The following TBC1D2 variants were observed in gnomAD, a reference collection of about 807,000 sequenced individuals.
TBC1D2 encodes TBC1 domain family member 2.
Under a neutral mutation model 91.1 loss-of-function variants are expected in TBC1D2, and 58 were observed. That is an observed-to-expected ratio of 0.64 (90% CI 0.52 to 0.79). TBC1D2 has a LOEUF of 0.79. Ranked by LOEUF, TBC1D2 falls within the 30% of genes least tolerant of loss-of-function variation. TBC1D2 has a pLI of 0.00. For synonymous variants in TBC1D2, 482 were observed against 511.5 expected (o/e 0.94, Z 0.78); for missense variants, 1,080 against 1,208.3 (o/e 0.89, Z 1.57).
At chr9:98,247,772 G>T (rs1008333138) in intron 2 of TBC1D2, among the ~76,000 whole-genome samples, 6 of 149,116 alleles carry the variant, frequency 4.0e-5, no homozygotes, top group African/African-American at 1.5e-4. Context: ...CCATATTGTG[G>T]ACTCACATCT....
chr9:98,216,844 A>G (rs1011072885), intron 6 of TBC1D2, among the ~76,000 whole-genome samples: 1 of 152,186 alleles, frequency 6.6e-6, no homozygotes, highest in Non-Finnish European at 1.5e-5. Flanking sequence ...AGTTGGGACT[A>G]CAAGTGTGTG....
intron 3 of TBC1D2, among the ~76,000 whole-genome samples, chr9:98,239,951 G>C (rs914269344): frequency 6.6e-6 from 1 of 152,102 alleles, no homozygotes; most frequent in East Asian, 1.9e-4. Flanking sequence ...TATCAAATTT[G>C]TTGGCACATA....
At chr9:98,216,380 C>T (rs7040214) in intron 6 of TBC1D2, among the ~76,000 whole-genome samples, 10,830 of 152,216 alleles carry the variant, frequency 0.071, 450 homozygotes, top group African/African-American at 0.1. Context: ...CAAGCCCCCC[C>T]GCAAGGGAGG....
intron 5 of TBC1D2, among the ~76,000 whole-genome samples, chr9:98,226,114 G>T (rs1829227512): frequency 6.6e-6 from 1 of 152,214 alleles, no homozygotes; most frequent in African/African-American, 2.4e-5. Context: ...GCACCACTGG[G>T]CACCCAGAAG....
At chr9:98,224,438 T>C (rs1353725492) in intron 5 of TBC1D2, among the ~76,000 whole-genome samples, 2 of 151,918 alleles carry the variant, frequency 1.3e-5, no homozygotes, top group South Asian at 2.1e-4. Flanking sequence ...ATGCACCACA[T>C]TGCCCAGCTA....
rs1418972080 is a variant in TBC1D2, at chr9:98,249,003, G to T, written c.511+2782C>A. Among the ~76,000 whole-genome samples, 6 of 152,180 alleles carry T rather than the reference G, an allele frequency of 3.9e-5. No individual in the cohort carries two copies. The South Asian group carries it at 1.0e-3, about 26-fold the overall frequency. Reference sequence around the variant, plus strand: ...AGTCTCTGACTCAAAGTCAGACATGGGTCAGGAGGTTTTCAACGACATGGG... The same window carrying T: ...AGTCTCTGACTCAAAGTCAGACATGTGTCAGGAGGTTTTCAACGACATGGG... On this transcript the variant is annotated intron_variant, in intron 2 of 12. Transcript: ENST00000465784.
chr9:98,232,342 G>C (rs868380533), intron 4 of TBC1D2, among the ~76,000 whole-genome samples: 1 of 86,774 alleles, frequency 1.2e-5, no homozygotes, highest in African/African-American at 4.6e-5. Flanking sequence ...CTCTTTTTCT[G>C]TTTTTTTTTT....
chr9:98,240,234 A>G (rs562036410), intron 3 of TBC1D2, among the ~76,000 whole-genome samples: 1 of 152,038 alleles, frequency 6.6e-6, no homozygotes, highest in East Asian at 1.9e-4. Context: ...TAATGAGATT[A>G]TACTTTCATG....
At position 98,205,578 on chromosome 9, in the gene TBC1D2, A is replaced by C. The variant is rs556754606; in HGVS notation, c.2151-2170T>G. Reference sequence around the variant, plus strand: ...TTTTCTTTTTTTGAGACAGAGACTCACTCTGTTGCCCAGGCTAGAGTGCAG... The same window carrying C: ...TTTTCTTTTTTTGAGACAGAGACTCCCTCTGTTGCCCAGGCTAGAGTGCAG... On this transcript the variant is annotated intron_variant, in intron 9 of 12. Transcript: ENST00000465784. Among the ~76,000 whole-genome samples the C allele has an allele frequency of 1.4e-4, 22 of 151,844 alleles. No individual in the cohort carries two copies. The East Asian group carries it at 4.3e-3, about 30-fold the overall frequency.
At chr9:98,233,382 C>T in intron 4 of TBC1D2, 34 bp downstream of exon 4, 1 of 1,592,626 alleles carries the variant, frequency 6.3e-7, no homozygotes. Flanking sequence ...GGAGCTGGTC[C>T]CTGAAGGCAG....
chr9:98,215,651 G>A (rs530588699), intron 6 of TBC1D2, among the ~76,000 whole-genome samples: 1 of 152,274 alleles, frequency 6.6e-6, no homozygotes, highest in Admixed American at 6.5e-5. Context: ...GGGACTATAG[G>A]CAGGCACCAC....
At position 98,210,623 on chromosome 9, in the gene TBC1D2, A is replaced by G. The variant is rs529191944; in HGVS notation, c.1673+33T>C. 2.7e-5 allele frequency: 41 copies of G among 1,534,274 alleles called. No homozygotes were observed. In the South Asian group the frequency reaches 4.3e-4, roughly 16 times the overall value. ...AGCTGGGGAGGAGCCGCCAGCTCAC[A>G]TAGACCAGCCCTTCCTGGGCCGCCA... is the stretch of plus-strand genomic sequence containing the variant. On this transcript the variant is annotated intron_variant, in intron 8 of 12. Coordinates refer to ENST00000465784, the MANE Select transcript of TBC1D2 (RefSeq NM_001267571.2).
At chr9:98,224,015 T>C (rs7864256) in intron 5 of TBC1D2, among the ~76,000 whole-genome samples, 66,709 of 151,658 alleles carry the variant, frequency 0.44, 15,766 homozygotes, top group African/African-American at 0.63. Context: ...CTGGCTAACA[T>C]GGTGAAACCC....
At chr9:98,221,963 A>G (rs900701055) in intron 5 of TBC1D2, among the ~76,000 whole-genome samples, 5 of 152,152 alleles carry the variant, frequency 3.3e-5, no homozygotes, top group African/African-American at 1.2e-4. Context: ...TCCTGGACTC[A>G]AATGATCTGC....
Position 98,221,019 on chromosome 9 carries a change from C to T in TBC1D2, c.1188G>A (p.Gln396=). ...GCACGTGCTGCTGTAGCTCCTGCAC[C>T]TGCTGCTCCCGCAGGCTCGCTGTGT... The part of the protein sequence containing the change: ...LAHTASLREQ[Q]VQELQQHVQL... The change falls in exon 6 of 13, where the codon CAG becomes CAA. Residue 396 remains glutamine (Q), a synonymous_variant. Transcript: ENST00000465784. 6.2e-7 allele frequency: 1 copy of T among 1,614,092 alleles called. No individual in the cohort carries two copies. Among genetic ancestry groups the T allele is most frequent in the Non-Finnish European group, 8.5e-7 (1 of 1,180,026 alleles).
At chr9:98,200,213 G>C (rs1373759856) in intron 12 of TBC1D2, 40 bp downstream of exon 12, 2 of 1,611,402 alleles carry the variant, frequency 1.2e-6, no homozygotes, top group Middle Eastern at 3.4e-4. Flanking sequence ...CCTTGGGGGT[G>C]TGTGAGTGGT....
intron 9 of TBC1D2, 128 bp from the exon 10 acceptor site, chr9:98,203,536 C>T: frequency 7.3e-7 from 1 of 1,363,552 alleles, no homozygotes; most frequent in South Asian, 1.4e-5. Context: ...CAATCCCACT[C>T]CCTAACCAGA....
intron 2 of TBC1D2, among the ~76,000 whole-genome samples, chr9:98,245,202 T>C (rs1306573845): frequency 6.6e-6 from 1 of 151,954 alleles, no homozygotes; most frequent in Non-Finnish European, 1.5e-5. Context: ...ATCGTGCCAC[T>C]GCACTTCAGC....
At chr9:98,251,995 G>A in intron 1 of TBC1D2, 69 bp from the exon 2 acceptor site, 1 of 1,536,790 alleles carries the variant, frequency 6.5e-7, no homozygotes, top group Non-Finnish European at 8.7e-7. Flanking sequence ...AGGAAGAGGG[G>A]AAGGTTGTGG....
Sources: allele counts gnomAD v4.1 joint callset (sites outside exome capture counted in the v4.1 genomes callset), GRCh38; gene constraint gnomAD v4.1.1; transcripts MANE v1.5; gene names NCBI Gene and HGNC (gene_info 2026-07-23, HGNC 2026-07-21).